Variants in UNC13C observed in about 807,000 individuals in gnomAD.
UNC13C encodes the protein unc-13 homolog C.
UNC13C carries 174 observed loss-of-function variants against 245.4 expected under a neutral mutation model. That is an observed-to-expected ratio of 0.71 (90% CI 0.63 to 0.80). The LOEUF is 0.80. UNC13C is among the 30% of genes least tolerant of loss of function. The pLI is 0.00. For synonymous variants in UNC13C, 992 were observed against 895.1 expected, an observed-to-expected ratio of 1.11 and a Z score of -1.93; for missense variants, 2,829 against 2,602.9, an observed-to-expected ratio of 1.09 and a Z score of -1.89.
At chr15:54,232,797 G>A (rs939499145) in intron 4 of UNC13C, among the ~76,000 whole-genome samples, 2 of 152,134 alleles carry the variant, frequency 1.3e-5, no homozygotes, top group African/African-American at 4.8e-5. Flanking sequence ...TATTGATACT[G>A]TTCACAGAGG....
At chr15:54,117,829 C>T (rs2030378514) in intron 2 of UNC13C, among the ~76,000 whole-genome samples, 1 of 152,122 alleles carries the variant, frequency 6.6e-6, no homozygotes, top group Non-Finnish European at 1.5e-5. Context: ...GATTTCCCCG[C>T]CTTGGCCTCC....
chr15:54,057,731 T>C (rs1897602618), intron 2 of UNC13C, among the ~76,000 whole-genome samples: 1 of 152,026 alleles, frequency 6.6e-6, no homozygotes, highest in Admixed American at 6.6e-5. Context: ...CCTCAGAAAA[T>C]GTAAAAGAAT....
intron 30 of UNC13C, among the ~76,000 whole-genome samples, chr15:54,620,564 T>C (rs1437187026): frequency 6.6e-6 from 1 of 152,120 alleles, no homozygotes; most frequent in African/African-American, 2.4e-5. Flanking sequence ...AGTTTCATTC[T>C]GCTCACATTA....
intron 2 of UNC13C, among the ~76,000 whole-genome samples, chr15:54,058,641 G>A (rs187634290): frequency 1.4e-4 from 22 of 152,128 alleles, no homozygotes; most frequent in Non-Finnish European, 2.4e-4. Flanking sequence ...TACCAAAGCC[G>A]GGCAGAGACA....
chr15:54,615,842 T>C (rs776482484), intron 30 of UNC13C, among the ~76,000 whole-genome samples: 13 of 152,028 alleles, frequency 8.6e-5, no homozygotes, highest in Non-Finnish European at 1.9e-4. Context: ...AAAGACAAGC[T>C]AGTTTGTCAG....
In UNC13C at chr15:54,220,613, A is replaced by C. The variant is rs565811527; in HGVS notation, c.3072-14417A>C. On this transcript the variant is annotated intron_variant, in intron 4 of 32. Coordinates refer to ENST00000260323, the MANE Select transcript of UNC13C (RefSeq NM_001080534.3). ...AAGTATAATAATAATAAAAATAAAAAAAATTAAAAAAATGCATCTTAATAA... is the reference window on the plus strand; with the variant it reads ...AAGTATAATAATAATAAAAATAAAACAAATTAAAAAAATGCATCTTAATAA... 2.5e-3 allele frequency among the ~76,000 whole-genome samples: 373 copies of C among 148,794 alleles called. 1 individual carries two copies. The highest frequency in any genetic ancestry group is 8.8e-3 in the African/African-American group (359 of 40,702).
chr15:53,902,971 T>C, the UNC13C span, among the ~76,000 whole-genome samples: 1 of 152,212 alleles, frequency 6.6e-6, no homozygotes, highest in Non-Finnish European at 1.5e-5. Context: ...GCTGGAATGC[T>C]GGGACATAGT....
chr15:53,905,750 A>G, the UNC13C span, among the ~76,000 whole-genome samples: 2 of 151,998 alleles, frequency 1.3e-5, no homozygotes, highest in South Asian at 2.1e-4. Flanking sequence ...AAATTTGCTG[A>G]GGGTGGATCT....
chr15:53,851,680 GTC>G, the UNC13C span, among the ~76,000 whole-genome samples: 1 of 152,174 alleles, frequency 6.6e-6, no homozygotes, highest in Admixed American at 6.6e-5. Context: ...ACCAAGAAGA[GTC>G]TGAACAGCAA....
At chr15:53,857,610 C>CCTCGGTGTTAACCTTAGG in the UNC13C span, among the ~76,000 whole-genome samples, 1 of 152,146 alleles carries the variant, frequency 6.6e-6, no homozygotes, top group Non-Finnish European at 1.5e-5. Flanking sequence ...CCCTAAGTGA[C>CCTCGGTGTTAACCTTAGG]CTCTGTGTTA....
Position 54,015,375 on chromosome 15 carries a change from C to G in UNC13C, c.2472C>G (p.Asp824Glu). The G allele has an allele frequency of 6.2e-7, 1 of 1,613,772 alleles. No individual in the cohort carries two copies. The highest frequency in any genetic ancestry group is 8.5e-7 in the Non-Finnish European group (1 of 1,179,830). ...CACAGAGTCTGAGTGGGTATGAGGA[C>G]AGTGGCTCTTCATTAATGGGGAGAT... ...KSTQSLSGYEDSGSSLMGRFR... is the reference protein window; with the variant it reads ...KSTQSLSGYEESGSSLMGRFR... The change falls in exon 2 of 33, where the codon GAC becomes GAG. Residue 824 changes from aspartate (D) to glutamate (E), a missense_variant. Physicochemically the swap from Asp to Glu is conservative, Grantham distance 45 (BLOSUM62 2). Transcript: ENST00000260323.
chr15:54,321,460 G>A lies in UNC13C; in HGVS notation c.4269-479G>A, dbSNP rs189755762. The A allele has an allele frequency of 3.2e-4, 159 of 489,788 alleles. 1 individual carries two copies. In the Middle Eastern group the frequency reaches 3.3e-3, roughly 10 times the overall value. 30.3% of individuals were successfully genotyped at this position (489,788 alleles called of 1,614,324 possible). ...CTTGCATCTGCCTTTGCGGCCTTGC[G>A]TTCATGGCTACATCCACCTCCTCCA... On this transcript the variant is annotated intron_variant, in intron 13 of 32. Coordinates refer to ENST00000260323, the MANE Select transcript of UNC13C (RefSeq NM_001080534.3).
intron 19 of UNC13C, among the ~76,000 whole-genome samples, chr15:54,453,184 T>C (rs372536049): frequency 1.1e-4 from 17 of 152,148 alleles, no homozygotes; most frequent in Admixed American, 1.0e-3. Context: ...TCAAGAAACA[T>C]TCCCTTGGTA....
chr15:54,189,121 C>T (rs770185211), intron 4 of UNC13C, among the ~76,000 whole-genome samples: 2 of 152,192 alleles, frequency 1.3e-5, no homozygotes, highest in South Asian at 2.1e-4. Context: ...AACTCATTGC[C>T]TATTATGAGT....
the UNC13C span, among the ~76,000 whole-genome samples, chr15:53,930,111 C>G: frequency 6.6e-6 from 1 of 152,154 alleles, no homozygotes; most frequent in Non-Finnish European, 1.5e-5. Flanking sequence ...GCCTTTCTCA[C>G]ATGTCTGGGG....
intron 1 of UNC13C, among the ~76,000 whole-genome samples, chr15:53,998,943 GAAT>G (rs1894757575): frequency 6.6e-6 from 1 of 151,788 alleles, no homozygotes; most frequent in South Asian, 2.1e-4. Flanking sequence ...TACATTCCTG[GAAT>G]AATTATGCTT....
the UNC13C span, among the ~76,000 whole-genome samples, chr15:53,870,566 T>C: frequency 6.6e-6 from 1 of 152,010 alleles, no homozygotes; most frequent in African/African-American, 2.4e-5. Flanking sequence ...TACCTGGATA[T>C]AAGAAAAATG....
chr15:54,085,548 T>C (rs1899191957), intron 2 of UNC13C, among the ~76,000 whole-genome samples: 1 of 152,174 alleles, frequency 6.6e-6, no homozygotes, highest in Non-Finnish European at 1.5e-5. Flanking sequence ...AAATATCTTC[T>C]CTTGAAGAAG....
intron 2 of UNC13C, among the ~76,000 whole-genome samples, chr15:54,074,492 A>G (rs1898491705): frequency 6.6e-6 from 1 of 152,102 alleles, no homozygotes; most frequent in Admixed American, 6.5e-5. Context: ...CACGATATTG[A>G]TTCTTTGTAT....
Sources: allele counts gnomAD v4.1 joint callset (sites outside exome capture counted in the v4.1 genomes callset), GRCh38; gene constraint gnomAD v4.1.1; transcripts MANE v1.5; gene names NCBI Gene and HGNC (gene_info 2026-07-23, HGNC 2026-07-21).